Variants in TERT observed in about 807,000 individuals in gnomAD.
TERT encodes telomerase reverse transcriptase.
TERT carries 42 observed loss-of-function variants against 104.0 expected under a neutral mutation model. The ratio of observed to expected loss-of-function variants is 0.40; its 90% CI spans 0.32 to 0.52. The LOEUF is 0.52. TERT is among the 20% of genes least tolerant of loss of function. The pLI, the probability that TERT is intolerant of heterozygous loss-of-function variation, is 0.43. For missense variants in TERT, 1,101 were observed against 1,610.3 expected, an observed-to-expected ratio of 0.68 and a Z score of 5.41; for synonymous variants, 781 against 725.6, an observed-to-expected ratio of 1.08 and a Z score of -1.23.
chr5:1,267,036 C>T (rs1748657073), intron 9 of TERT, among the ~76,000 whole-genome samples: 1 of 152,214 alleles, frequency 6.6e-6, no homozygotes, highest in South Asian at 2.1e-4. Flanking sequence ...GGTATCCTGT[C>T]CCAGAGGGCT....
At position 1,294,876 on chromosome 5, in the gene TERT, C is replaced by A. The variant is rs1350421146; in HGVS notation, c.114G>T (p.Leu38=). The A allele has an allele frequency of 1.4e-6, 2 of 1,447,378 alleles. No individual in the cohort carries two copies. 89.7% of individuals were successfully genotyped at this position (1,447,378 alleles called of 1,614,324 possible). A position where few individuals can be genotyped will look rare whatever the true frequency, so the allele number is the denominator to read the frequency against. ...VRRLGPQGWR[L]VQRGDPAAFR... is the part of the protein sequence containing the mutation. ...AAGCCGCCGGGTCCCCGCGCTGCAC[C>A]AGCCGCCAGCCCTGGGGCCCCAGGC... is the stretch of plus-strand genomic sequence containing the variant. The change falls in exon 1 of 16, where the codon CTG becomes CTT. Residue 38 remains leucine, a synonymous_variant. Transcript: ENST00000310581.
intron 6 of TERT, among the ~76,000 whole-genome samples, chr5:1,275,893 A>AC (rs1316145378): frequency 2.9e-5 from 4 of 136,378 alleles, no homozygotes; most frequent in African/African-American, 1.1e-4. Flanking sequence ...ATCCCCACCT[A>AC]CCCCACACAT....
chr5:1,268,975 CTT>C lies in TERT; in HGVS notation c.2469-344_2469-343del, dbSNP rs143199675. Among the ~76,000 whole-genome samples, 1 of 146,456 alleles carries C rather than the reference CTT, an allele frequency of 6.8e-6. No individual in the cohort carries two copies. Among genetic ancestry groups the C allele is most frequent in the Non-Finnish European group, 1.5e-5 (1 of 66,136 alleles). ...CCGGAATGAATGCTTAACCGGACTC[CTT>C]TTTTTTTTTTCAAGGAATTTGTCCA... On this transcript the variant is annotated intron_variant, in intron 8 of 15. Transcript: ENST00000310581. This position sits in a 1 kb window ranked among gnomAD's most constrained non-coding sequence, Gnocchi z 5.5.
rs997106317 is a variant in TERT, at chr5:1,257,912, G to A, written c.3032+686C>T. 3.9e-5 allele frequency among the ~76,000 whole-genome samples: 6 copies of A among 152,312 alleles called. No homozygotes were observed. Among genetic ancestry groups the A allele is most frequent in the African/African-American group, 9.6e-5 (4 of 41,570 alleles). On this transcript the variant is annotated intron_variant, in intron 13 of 15. Coordinates refer to ENST00000310581, the MANE Select transcript of TERT (RefSeq NM_198253.3). This position sits in a 1 kb window ranked among gnomAD's most constrained non-coding sequence, Gnocchi z 5.6. ...GGGAGGCCTGTTGAGGTGGAGGCCC[G>A]GGCCTGTGGTGCCCGACTGCCCTTT...
At chr5:1,283,394 A>T (rs571961694) in intron 2 of TERT, among the ~76,000 whole-genome samples, 18 of 60,174 alleles carry the variant, frequency 3.0e-4, no homozygotes, top group Non-Finnish European at 5.1e-4. Flanking sequence ...TCCAGCTCAC[A>T]GCAGGGCCTG....
chr5:1,254,599 G>T lies in TERT; in HGVS notation c.3158-94C>A, dbSNP rs188517214. 4.9e-4 allele frequency: 724 copies of T among 1,465,226 alleles called. 10 individuals carry two copies. In the East Asian group the frequency reaches 0.012, roughly 25 times the overall value. The allele number at this position is 1,465,226 out of a possible 1,614,324, so 90.8% of individuals were successfully genotyped here. On this transcript the variant is annotated intron_variant, in intron 14 of 15. Transcript: ENST00000310581. ...CTGCCCACACCCGACGGTCTGCGGG[G>T]TGGCTCCATCTCTGGCTGTCCCGAC...
At position 1,293,422 on chromosome 5, in the gene TERT, G is replaced by C. The variant is rs1190371038; in HGVS notation, c.1464C>G (p.Leu488=). Residue 488 remains leucine (L), a synonymous_variant, in exon 2 of 16, where the codon CTC becomes CTG. Transcript: ENST00000310581. ...WGSRHNERRF[L]RNTKKFISLG... ...GGGAGATGAACTTCTTGGTGTTCCT[G>C]AGGAAGCGGCGTTCGTTGTGCCTGG... 1 of 1,612,932 alleles carries C rather than the reference G, an allele frequency of 6.2e-7. No homozygotes were observed.
In TERT at chr5:1,268,172, C is replaced by G. The variant is rs1748752559; in HGVS notation, c.2582+348G>C. 6.6e-6 allele frequency among the ~76,000 whole-genome samples: 1 copy of G among 152,204 alleles called. No homozygotes were observed. The highest frequency in any genetic ancestry group is 1.5e-5 in the Non-Finnish European group (1 of 68,026). On this transcript the variant is annotated intron_variant, in intron 9 of 15. Transcript: ENST00000310581. This position sits in a 1 kb window ranked among gnomAD's most constrained non-coding sequence, Gnocchi z 5.5. The stretch of plus-strand genomic sequence containing the variant: ...GGAGATGTGGGGCCTCAGGCTGCAC[C>G]AGCCCCATCTCCCCAAGGACCCTAA...
chr5:1,276,609 G>A (rs1477231067), intron 6 of TERT, among the ~76,000 whole-genome samples: 1 of 140,798 alleles, frequency 7.1e-6, no homozygotes, highest in East Asian at 2.2e-4. Context: ...CCTACCCCAC[G>A]GATGAAAACC....
intron 3 of TERT, among the ~76,000 whole-genome samples, chr5:1,280,580 C>T (rs967707267): frequency 1.8e-4 from 28 of 152,130 alleles, no homozygotes; most frequent in Non-Finnish European, 3.4e-4. Flanking sequence ...CCCAGTCCGG[C>T]GGTCAACCCC....
rs202169326 is a variant in TERT at position 1,254,343 on chromosome 5, C to T, written c.3295+25G>A. ...GGATGACCCCTGGGCAGGTGGGGCCCGCACTGGCCTCCACCCACACTTGCC... is the reference window on the plus strand; with the variant it reads ...GGATGACCCCTGGGCAGGTGGGGCCTGCACTGGCCTCCACCCACACTTGCC... On this transcript the variant is annotated intron_variant, in intron 15 of 15. Coordinates refer to ENST00000310581, the MANE Select transcript of TERT (RefSeq NM_198253.3). 64 of 1,612,768 alleles carry T rather than the reference C, an allele frequency of 4.0e-5. No individual in the cohort carries two copies. The African/African-American group carries it at 4.8e-4, about 12-fold the overall frequency.
intron 15 of TERT, 148 bp downstream of exon 15, chr5:1,254,219 AT>A: frequency 9.6e-7 from 1 of 1,042,036 alleles, no homozygotes; most frequent in Non-Finnish European, 1.4e-6. Context: ...GTTTAATCAC[AT>A]AGGGCTGCCA....
At chr5:1,284,203 G>A (rs1363485309) in intron 2 of TERT, among the ~76,000 whole-genome samples, 6 of 78,484 alleles carry the variant, frequency 7.6e-5, no homozygotes, top group Non-Finnish European at 1.2e-4. Context: ...AGGGCCTGGC[G>A]ACCTCACCCC....
intron 3 of TERT, among the ~76,000 whole-genome samples, 182 bp downstream of exon 3, chr5:1,282,247 G>A (rs1750070469): frequency 6.6e-6 from 1 of 152,252 alleles, no homozygotes; most frequent in African/African-American, 2.4e-5. Context: ...GAGAACGTGA[G>A]CTCCAGGCAG....
rs1009287620 is a variant in TERT at position 1,257,178 on chromosome 5, TGCCCTGAGCCCAG to T, written c.3032+1407_3032+1419del. ...CATGGGTGGGGAAACTCAGCCGCCCTGCCCTGAGCCCAGGCCCTCTACGGGAGCTCCTCGGAGC... is the reference window on the plus strand; with the variant it reads ...CATGGGTGGGGAAACTCAGCCGCCCTGCCCTCTACGGGAGCTCCTCGGAGC... On this transcript the variant is annotated intron_variant, in intron 13 of 15. Coordinates refer to ENST00000310581, the MANE Select transcript of TERT (RefSeq NM_198253.3). The surrounding 1 kb of genome is among the most constrained non-coding windows in gnomAD (Gnocchi z 5.6). Among the ~76,000 whole-genome samples the T allele has an allele frequency of 6.6e-6, 1 of 152,130 alleles. No individual in the cohort carries two copies. The highest frequency in any genetic ancestry group is 2.4e-5 in the African/African-American group (1 of 41,430).
Position 1,294,782 on chromosome 5 carries a change from AG to A in TERT, c.207del (p.Ser70ProfsTer8). ...CCGGGGAGGCCCACCTGGCGGAAGGAGGGGGCGGCGGGGGGCGGCCGTGCGT... is the reference window on the plus strand; with the variant it reads ...CCGGGGAGGCCCACCTGGCGGAAGGAGGGGCGGCGGGGGGCGGCCGTGCGT... ...PWDARPPPAA[P>X]SFRQVSCLKE... On this transcript the variant is annotated frameshift_variant, in exon 1 of 16. Coordinates refer to ENST00000310581, the MANE Select transcript of TERT (RefSeq NM_198253.3). LOFTEE classifies it high-confidence loss of function. 2 of 1,533,436 alleles carry A rather than the reference AG, an allele frequency of 1.3e-6. No homozygotes were observed. Among genetic ancestry groups the A allele is most frequent in the African/African-American group, 1.4e-5 (1 of 71,620 alleles). 95.0% of individuals were successfully genotyped at this position (1,533,436 alleles called of 1,614,324 possible).
At chr5:1,266,266 C>T (rs1180418464) in intron 10 of TERT, among the ~76,000 whole-genome samples, 198 bp downstream of exon 10, 1 of 152,250 alleles carries the variant, frequency 6.6e-6, no homozygotes, top group Non-Finnish European at 1.5e-5. Flanking sequence ...GCACGGTACC[C>T]ACTCCCTCCC....
Position 1,287,508 on chromosome 5 carries a change from A to AAT in TERT, c.1574-4886_1574-4885dup, listed in dbSNP as rs762204084. On this transcript the variant is annotated intron_variant, in intron 2 of 15. Coordinates refer to ENST00000310581, the MANE Select transcript of TERT (RefSeq NM_198253.3). This position sits in a 1 kb window ranked among gnomAD's most constrained non-coding sequence, Gnocchi z 4.3. ...CCAAGACTCTGTCTCAAAAAAAAAAAATATATATATATATATATAAATTAA... is the reference window on the plus strand; with the variant it reads ...CCAAGACTCTGTCTCAAAAAAAAAAAATATATATATATATATATATAAATTAA... Among the ~76,000 whole-genome samples, 2,706 of 140,630 alleles carry AAT rather than the reference A, an allele frequency of 0.019. 43 individuals are homozygous for AAT. The highest frequency in any genetic ancestry group is 0.1 in the Middle Eastern group (27 of 270). The allele number at this position is 140,630 out of a possible 152,430, so 92.3% of individuals were successfully genotyped here. A position where few individuals can be genotyped will look rare whatever the true frequency, so the allele number is the denominator to read the frequency against.
Position 1,261,272 on chromosome 5 carries a change from G to A in TERT, c.2844-672C>T, listed in dbSNP as rs1187895981. 6.6e-6 allele frequency among the ~76,000 whole-genome samples: 1 copy of A among 152,182 alleles called. No individual in the cohort carries two copies. The highest frequency in any genetic ancestry group is 1.5e-5 in the Non-Finnish European group (1 of 68,042). ...TGCTACATTGAAATAAACGTTTTGT[G>A]CCATTAAACATTCTTCAAAAATTCT... On this transcript the variant is annotated intron_variant, in intron 11 of 15. Transcript: ENST00000310581. The surrounding 1 kb of genome is among the most constrained non-coding windows in gnomAD (Gnocchi z 7.4).
Sources: gnomAD v4.1 joint callset for allele counts (sites outside exome capture counted in the v4.1 genomes callset) on GRCh38, gnomAD v4.1.1 for gene constraint, Gnocchi (gnomAD v3.1) non-coding constraint, MANE v1.5 for transcripts, NCBI Gene and HGNC (gene_info 2026-07-23, HGNC 2026-07-21) for gene names.